TRPM6: variants seen among roughly 807,000 people sequenced by gnomAD.
TRPM6 encodes channel kinase 2.
A neutral mutation model predicts 247.6 loss-of-function variants in TRPM6; 111 were observed. The observed-to-expected ratio is 0.45, with a 90% CI of 0.38 to 0.52. TRPM6 has a LOEUF of 0.52. Among genes scored for constraint, TRPM6 ranks in the 20% least tolerant of loss-of-function variants. The pLI, the probability that TRPM6 is intolerant of heterozygous loss-of-function variation, is 0.00. For synonymous variants in TRPM6, 892 were observed against 853.8 expected (o/e 1.04, Z -0.78); for missense variants, 2,126 against 2,421.5 (o/e 0.88, Z 2.56).
In TRPM6 at chr9:74,762,915, G is replaced by C. The variant is rs770822315; in HGVS notation, c.3756C>G (p.Ser1252Arg). Residue 1252 changes from serine (S) to arginine (R), a missense_variant, in exon 26 of 39, where the codon AGC becomes AGG. Ser to Arg is a moderately radical substitution (Grantham distance 110, BLOSUM62 -1). Coordinates refer to ENST00000360774, the MANE Select transcript of TRPM6 (RefSeq NM_017662.5). The part of the protein sequence containing the change: ...KHSTCKKLPH[S>R]WSNVICAEVL... ...CCTCTGCACAGATGACATTGCTCCA[G>C]CTGTGGGGAAGTTTTTTGCAAGTAG... is the stretch of plus-strand genomic sequence containing the variant. The C allele has an allele frequency of 6.2e-7, 1 of 1,606,490 alleles. No individual in the cohort carries two copies. The highest frequency in any genetic ancestry group is 1.1e-5 in the South Asian group (1 of 90,594).
intron 12 of TRPM6, among the ~76,000 whole-genome samples, chr9:74,811,114 A>G (rs1282174162): frequency 6.6e-6 from 1 of 152,244 alleles, no homozygotes; most frequent in East Asian, 1.9e-4. Context: ...GATAAGAGAT[A>G]GAAATGAATC....
chr9:74,816,749 C>G lies in TRPM6; in HGVS notation c.1228G>C (p.Glu410Gln), dbSNP rs764270967. 6.2e-7 allele frequency: 1 copy of G among 1,614,166 alleles called. No homozygotes were observed. The highest frequency in any genetic ancestry group is 8.5e-7 in the Non-Finnish European group (1 of 1,180,034). The change falls in exon 11 of 39, where the codon GAG becomes CAG. Residue 410 changes from glutamate to glutamine, a missense_variant. By Grantham distance (29) the Glu-to-Gln change is conservative. This residue lies in a region of TRPM6 where 1,082 missense variants were observed against 1,307.9 expected (regional missense o/e 0.83). Transcript: ENST00000360774. ...CAAGCCATTGCCAGATTTAATTGCT[C>G]TGACGCTGATAAATTTGTGCCTAGG... ...LLKGTNLSAS[E>Q]QLNLAMAWDR...
At chr9:74,805,916 C>A (rs1828510821) in intron 14 of TRPM6, among the ~76,000 whole-genome samples, 1 of 152,130 alleles carries the variant, frequency 6.6e-6, no homozygotes, top group South Asian at 2.1e-4. Context: ...AAATTGAAAC[C>A]CTCACAGCTG....
rs1437863733 is a variant in TRPM6 at position 74,806,468 on chromosome 9, G to C, written c.1638+1566C>G. 1.6e-4 allele frequency among the ~76,000 whole-genome samples: 25 copies of C among 152,096 alleles called. No homozygotes were observed. The East Asian group carries it at 4.8e-3, about 29-fold the overall frequency. ...ACTGCTTTATTTAAGTTTCTGTTTT[G>C]TTGATAAAAATTGAACATAGAAATG... On this transcript the variant is annotated intron_variant, in intron 14 of 38. Coordinates refer to ENST00000360774, the MANE Select transcript of TRPM6 (RefSeq NM_017662.5).
chr9:74,774,102 A>C (rs1306614278), intron 24 of TRPM6, among the ~76,000 whole-genome samples: 1 of 152,152 alleles, frequency 6.6e-6, no homozygotes, highest in African/African-American at 2.4e-5. Flanking sequence ...CCTTGTGTAA[A>C]TGTCTTTATC....
chr9:74,740,671 C>T (rs1177451383), intron 33 of TRPM6, among the ~76,000 whole-genome samples: 6 of 152,108 alleles, frequency 3.9e-5, no homozygotes, highest in Non-Finnish European at 2.9e-5. Context: ...TTGACTCTGA[C>T]CTGTCACATG....
At chr9:74,785,407 G>A (rs1322500621) in intron 21 of TRPM6, among the ~76,000 whole-genome samples, 2 of 152,116 alleles carry the variant, frequency 1.3e-5, no homozygotes, top group African/African-American at 4.8e-5. Context: ...TAATGCTCGA[G>A]GTGATGAATA....
intron 1 of TRPM6, among the ~76,000 whole-genome samples, chr9:74,868,482 G>A (rs1321403330): frequency 2.6e-5 from 4 of 152,002 alleles, no homozygotes; most frequent in Non-Finnish European, 4.4e-5. Context: ...TCGACAGAGC[G>A]AGACTCCATC....
rs145231172 is a variant in TRPM6, at chr9:74,785,982, C to T, written c.2811G>A (p.Ala937=). The T allele has an allele frequency of 1.4e-4, 220 of 1,614,158 alleles. No individual in the cohort carries two copies. The African/African-American group carries it at 2.2e-3, about 16-fold the overall frequency. Residue 937 remains alanine (A), a synonymous_variant, in exon 21 of 39, where the codon GCG becomes GCA. Transcript: ENST00000360774. ...TGTCTATGCAGTAGATCAGTCTTCC[C>T]GCTGTGTGAAAAGGAGGGTCACCCC... ...LRWGDPPFHT[A]GRLIYCIDII... is the part of the protein sequence containing the mutation.
intron 14 of TRPM6, 135 bp downstream of exon 14, chr9:74,807,899 C>A: frequency 1.0e-6 from 1 of 972,520 alleles, no homozygotes; most frequent in Non-Finnish European, 1.6e-6. Context: ...ACTTCACATA[C>A]AGCAGATAAC....
chr9:74,852,181 G>A (rs112905749), intron 3 of TRPM6, among the ~76,000 whole-genome samples: 2,790 of 151,512 alleles, frequency 0.018, 74 homozygotes, highest in African/African-American at 0.062. Context: ...GCAATGTAGC[G>A]GAACTACTTT....
Position 74,722,809 on chromosome 9 carries a change from A to C in TRPM6, c.*1804T>G, listed in dbSNP as rs1417728253. ...ATTAGCCCTTGTGGAACTCAAACTTACAAGAATCAGAGGCAATCATTGGCA... is the reference window on the plus strand; with the variant it reads ...ATTAGCCCTTGTGGAACTCAAACTTCCAAGAATCAGAGGCAATCATTGGCA... On this transcript the variant is annotated 3_prime_UTR_variant, in exon 39 of 39. Coordinates refer to ENST00000360774, the MANE Select transcript of TRPM6 (RefSeq NM_017662.5). 5 of 152,222 alleles carry C rather than the reference A, an allele frequency of 3.3e-5. No individual in the cohort carries two copies. The highest frequency in any genetic ancestry group is 7.2e-5 in the African/African-American group (3 of 41,458). 9.4% of individuals were successfully genotyped at this position (152,222 alleles called of 1,614,324 possible). A position where few individuals can be genotyped will look rare whatever the true frequency, so the allele number is the denominator to read the frequency against.
intron 14 of TRPM6, among the ~76,000 whole-genome samples, chr9:74,806,044 T>C (rs1036943734): frequency 1.3e-5 from 2 of 152,206 alleles, no homozygotes; most frequent in African/African-American, 4.8e-5. Context: ...AATTACATTT[T>C]CCTAAGTACA....
chr9:74,774,801 G>A (rs1041930457), intron 24 of TRPM6, among the ~76,000 whole-genome samples: 6 of 152,220 alleles, frequency 3.9e-5, no homozygotes, highest in African/African-American at 1.4e-4. Flanking sequence ...ATTTTCTGCA[G>A]CCAACATCAA....
At position 74,851,782 on chromosome 9, in the gene TRPM6, T is replaced by TAC. The variant is rs1830326874; in HGVS notation, c.152+3744_152+3745insGT. 2.1e-5 allele frequency among the ~76,000 whole-genome samples: 3 copies of TAC among 146,174 alleles called. No homozygotes were observed. The Admixed American group carries it at 2.1e-4, about 10-fold the overall frequency. On this transcript the variant is annotated intron_variant, in intron 3 of 38. Coordinates refer to ENST00000360774, the MANE Select transcript of TRPM6 (RefSeq NM_017662.5). ...AAAAAAAATATATATATATAATACA[T>TAC]ATATATATAATATATATATTACAGT...
chr9:74,853,004 AGGAGC>A (rs905504691), intron 3 of TRPM6, among the ~76,000 whole-genome samples: 1 of 151,166 alleles, frequency 6.6e-6, no homozygotes, highest in African/African-American at 2.4e-5. Context: ...CTGGGAAGTG[AGGAGC>A]GTCTCTGCCC....
chr9:74,887,640 G>C (rs1831580732), intron 1 of TRPM6, 184 bp downstream of exon 1: 8 of 1,570,646 alleles, frequency 5.1e-6, no homozygotes, highest in Non-Finnish European at 6.9e-6. Context: ...CCTTAGATAG[G>C]ATAATCATCT....
At chr9:74,844,714 G>A (rs1830053362) in intron 3 of TRPM6, among the ~76,000 whole-genome samples, 1 of 152,138 alleles carries the variant, frequency 6.6e-6, no homozygotes, top group Admixed American at 6.5e-5. Flanking sequence ...GTGTTCACTG[G>A]AGTAGCACTT....
chr9:74,745,917 T>C (rs1258576751), intron 31 of TRPM6, among the ~76,000 whole-genome samples: 2 of 152,218 alleles, frequency 1.3e-5, no homozygotes, highest in African/African-American at 4.8e-5. Flanking sequence ...GAGGCCATAC[T>C]ATAATCCAAG....
Sources: gnomAD v4.1 joint callset for allele counts (sites outside exome capture counted in the v4.1 genomes callset) on GRCh38, gnomAD v4.1.1 for gene constraint, gnomAD v4.1.1 regional missense constraint, MANE v1.5 for transcripts, NCBI Gene and HGNC (gene_info 2026-07-23, HGNC 2026-07-21) for gene names.